The following UCP2 variants were observed in gnomAD, a reference collection of about 807,000 sequenced individuals.
UCP2 encodes the protein uncoupling protein 2.
Under a neutral mutation model 31.3 loss-of-function variants are expected in UCP2, and 27 were observed. That is an observed-to-expected ratio of 0.86 (90% confidence interval 0.64 to 1.19). The LOEUF (loss-of-function observed/expected upper bound fraction) is 1.19, where lower values mean the gene tolerates loss of function less well. Ranked by LOEUF, UCP2 falls within the 50% of genes most tolerant of loss-of-function variation. The pLI is 0.00. For synonymous variants in UCP2, 142 were observed against 157.4 expected (o/e 0.90, Z 0.73); for missense variants, 377 against 413.5 (o/e 0.91, Z 0.76).
chr11:73,980,321 C>T (rs1951430904), intron 2 of UCP2, among the ~76,000 whole-genome samples: 1 of 152,172 alleles, frequency 6.6e-6, no homozygotes, highest in African/African-American at 2.4e-5. Flanking sequence ...AACAGCTCAC[C>T]CAGCTTCCTC....
rs919892558 is a variant in UCP2, at chr11:73,976,955, C to A, written c.400G>T (p.Ala134Ser). The A allele has an allele frequency of 1.9e-6, 3 of 1,608,320 alleles. No homozygotes were observed. The African/African-American group carries it at 4.0e-5, about 21-fold the overall frequency. Reference sequence around the variant, plus strand: ...ACCTTTACCACATCCGTGGGCTGGGCCACAGCCACAGCCAGGGCACCTGTG... The same window carrying A: ...ACCTTTACCACATCCGTGGGCTGGGACACAGCCACAGCCAGGGCACCTGTG... ...STTGALAVAV[A>S]QPTDVVKVRF... The change falls in exon 5 of 8, where the codon GCC becomes TCC. Residue 134 changes from alanine (A) to serine (S), a missense_variant. Transcript: ENST00000663595.
intron 2 of UCP2, among the ~76,000 whole-genome samples, chr11:73,979,725 G>C (rs1220575215): frequency 6.6e-6 from 1 of 151,926 alleles, no homozygotes; most frequent in Non-Finnish European, 1.5e-5. Flanking sequence ...CAGCTACTTG[G>C]GACGATTGCT....
At chr11:73,979,854 C>T (rs1228179211) in intron 2 of UCP2, 1 of 151,504 alleles carries the variant, frequency 6.6e-6, no homozygotes, top group African/African-American at 2.4e-5. Flanking sequence ...AACCTAAGGA[C>T]TTCTTAGATA....
intron 7 of UCP2, 76 bp downstream of exon 7, chr11:73,975,415 A>C: frequency 1.3e-6 from 2 of 1,503,570 alleles, no homozygotes; most frequent in Non-Finnish European, 1.8e-6. Context: ...ACTCACTTCC[A>C]GGTGGTTCTC....
rs1156673085 is a variant in UCP2 at position 73,975,438 on chromosome 11, T to C, written c.815+53A>G. The C allele has an allele frequency of 1.2e-5, 19 of 1,563,446 alleles. No homozygotes were observed. In the South Asian group the frequency reaches 1.5e-4, roughly 13 times the overall value. ...CCAGGTGGTTCTCTCCCACCCACAA[T>C]AGACATGCATAGCCAAGAGGCCTGA... On this transcript the variant is annotated intron_variant, in intron 7 of 7. Coordinates refer to ENST00000663595, the MANE Select transcript of UCP2 (RefSeq NM_003355.3).
Position 73,976,673 on chromosome 11 carries a change from TTGA to T in UCP2, c.599_601del (p.Ile200del), listed in dbSNP as rs765677210. On this transcript the variant is annotated inframe_deletion, in exon 6 of 8. Coordinates refer to ENST00000663595, the MANE Select transcript of UCP2 (RefSeq NM_003355.3). ...GAGGTTGGCTTTCAGGAGGGCATCC[TTGA>T]TGAGGTCATAGGTCACCAGCTCAGC... 1.9e-6 allele frequency: 3 copies of T among 1,614,038 alleles called. No homozygotes were observed. Among genetic ancestry groups the T allele is most frequent in the Non-Finnish European group, 1.7e-6 (2 of 1,180,042 alleles).
At chr11:73,979,047 ATT>A (rs1461887809) in intron 2 of UCP2, among the ~76,000 whole-genome samples, 1 of 152,214 alleles carries the variant, frequency 6.6e-6, no homozygotes, top group Non-Finnish European at 1.5e-5. Flanking sequence ...CTCTAGAGTC[ATT>A]GTTTTAGCAA....
chr11:73,978,751 C>T, intron 2 of UCP2: 1 of 345,610 alleles, frequency 2.9e-6, no homozygotes, highest in South Asian at 2.3e-5. Context: ...TCATAAACAG[C>T]CACTGGACCA....
chr11:73,978,529 C>T, intron 2 of UCP2, 52 bp from the exon 3 acceptor site: 1 of 1,149,974 alleles, frequency 8.7e-7, no homozygotes, highest in African/African-American at 1.5e-5. Context: ...CAGGCCCTCC[C>T]TGCTCACCAT....
At position 73,974,881 on chromosome 11, in the gene UCP2, G is replaced by A. The variant is rs371292530; in HGVS notation, c.*126C>T. On this transcript the variant is annotated 3_prime_UTR_variant, in exon 8 of 8. Transcript: ENST00000663595. The stretch of plus-strand genomic sequence containing the variant: ...GAGGGAAGGTGGTAGGTAAAGGAGC[G>A]GAAGGAAGAGGTGGGGAAAGAGGGA... 45 of 847,162 alleles carry A rather than the reference G, an allele frequency of 5.3e-5. No homozygotes were observed. The highest frequency in any genetic ancestry group is 2.7e-4 in the African/African-American group (16 of 59,068). The allele number at this position is 847,162 out of a possible 1,614,324, so 52.5% of individuals were successfully genotyped here. A position where few individuals can be genotyped will look rare whatever the true frequency, so the allele number is the denominator to read the frequency against.
intron 4 of UCP2, among the ~76,000 whole-genome samples, 154 bp downstream of exon 4, chr11:73,977,732 A>C (rs1438819747): frequency 6.6e-6 from 1 of 152,134 alleles, no homozygotes; most frequent in Admixed American, 6.5e-5. Context: ...GGTGCTTAGG[A>C]ACTATGTGGA....
chr11:73,975,269 A>G, intron 7 of UCP2, 148 bp from the exon 8 acceptor site: 2 of 954,808 alleles, frequency 2.1e-6, no homozygotes, highest in South Asian at 2.9e-5. Flanking sequence ...GGCTATAAGC[A>G]TGAATTCCCT....
At position 73,974,939 on chromosome 11, in the gene UCP2, G is replaced by A; in HGVS notation, c.*68C>T. The A allele has an allele frequency of 7.6e-7, 1 of 1,317,210 alleles. No individual in the cohort carries two copies. The highest frequency in any genetic ancestry group is 1.1e-6 in the Non-Finnish European group (1 of 928,200). 81.6% of individuals were successfully genotyped at this position (1,317,210 alleles called of 1,614,324 possible). On this transcript the variant is annotated 3_prime_UTR_variant, in exon 8 of 8. Coordinates refer to ENST00000663595, the MANE Select transcript of UCP2 (RefSeq NM_003355.3). ...AAGGGAAGGAGGGAAGAGAAAGAAG[G>A]AAGAAAAGGAAAGCATGGCCCGGCT...
At position 73,976,746 on chromosome 11, in the gene UCP2, T is replaced by A. The variant is rs777984577; in HGVS notation, c.533-4A>T. 3 of 1,614,026 alleles carry A rather than the reference T, an allele frequency of 1.9e-6. No homozygotes were observed. The highest frequency in any genetic ancestry group is 2.5e-6 in the Non-Finnish European group (3 of 1,179,976). On this transcript the variant is annotated splice_region_variant and splice_polypyrimidine_tract_variant and intron_variant, in intron 5 of 7. Transcript: ENST00000663595. ...CGAGCAACATTGGGAGAGGTCCCTG[T>A]AGGAGGAGGAAGATCCTGGGTGAGA...
chr11:73,977,706 A>G (rs1446123311), intron 4 of UCP2, among the ~76,000 whole-genome samples, 180 bp downstream of exon 4: 1 of 152,182 alleles, frequency 6.6e-6, no homozygotes, highest in African/African-American at 2.4e-5. Flanking sequence ...CCCTGCTCAG[A>G]GCCTGGTATA....
chr11:73,982,885 C>A (rs45529235), upstream of UCP2: 6,872 of 142,214 alleles, frequency 0.048, 178 homozygotes, highest in Middle Eastern at 0.087. Flanking sequence ...GCCTCGGGGG[C>A]GGGGCCCGGG....
chr11:73,975,476 G>A lies in UCP2; in HGVS notation c.815+15C>T. The A allele has an allele frequency of 1.2e-6, 2 of 1,604,330 alleles. No individual in the cohort carries two copies. Among genetic ancestry groups the A allele is most frequent in the Non-Finnish European group, 8.5e-7 (1 of 1,174,374 alleles). On this transcript the variant is annotated intron_variant, in intron 7 of 7. Coordinates refer to ENST00000663595, the MANE Select transcript of UCP2 (RefSeq NM_003355.3). ...CCAAGAGGCCTGAACTGGGTGGGGA[G>A]GACCAGAGGCTCACCCTTTGTAGAA...
At chr11:73,976,601 G>A (rs915708126) in intron 6 of UCP2, 40 bp downstream of exon 6, 39 of 1,539,012 alleles carry the variant, frequency 2.5e-5, no homozygotes, top group Non-Finnish European at 3.3e-5. Context: ...CCTGGCATGG[G>A]GGAAGGGTGA....
At chr11:73,979,773 G>A (rs1029707792) in intron 2 of UCP2, among the ~76,000 whole-genome samples, 2 of 151,404 alleles carry the variant, frequency 1.3e-5, no homozygotes, top group African/African-American at 4.9e-5. Context: ...AGCTGTGATT[G>A]TGCCACTGTG....
Sources: allele counts gnomAD v4.1 joint callset (sites outside exome capture counted in the v4.1 genomes callset), GRCh38; gene constraint gnomAD v4.1.1; transcripts MANE v1.5; gene names NCBI Gene and HGNC (gene_info 2026-07-23, HGNC 2026-07-21).